The following ATP5F1A variants were observed in gnomAD, a reference collection of about 807,000 sequenced individuals.
ATP5F1A encodes the protein ATP synthase F(1) complex subunit alpha, mitochondrial.
ATP5F1A carries 24 observed loss-of-function variants against 57.4 expected under a neutral mutation model. The observed-to-expected ratio is 0.42, with a 90% CI of 0.30 to 0.59. The LOEUF (loss-of-function observed/expected upper bound fraction) is 0.59, where lower values mean the gene tolerates loss of function less well. Among genes scored for constraint, ATP5F1A ranks in the 20% least tolerant of loss-of-function variants. The pLI, the probability that ATP5F1A is intolerant of heterozygous loss-of-function variation, is 0.19. For missense variants in ATP5F1A, 494 were observed against 707.9 expected, an observed-to-expected ratio of 0.70 and a Z score of 3.43; for synonymous variants, 251 against 255.5, an observed-to-expected ratio of 0.98 and a Z score of 0.17.
At position 46,086,494 on chromosome 18, in the gene ATP5F1A, T is replaced by G. The variant is rs1181393612; in HGVS notation, c.1177A>C (p.Ile393Leu). Reference protein sequence around the residue: ...TNVISITDGQIFLETELFYKG... With the variant: ...TNVISITDGQLFLETELFYKG... ...TAGAACAATTCTGTTTCCAAGAAGA[T>G]CTATAATGTAAGGAAATACGCACGC... Residue 393 changes from isoleucine (I) to leucine (L), a missense_variant and splice_region_variant, in exon 9 of 12, where the codon ATC (isoleucine) becomes CTC (leucine). Ile to Leu is a conservative substitution (Grantham distance 5). This residue lies in a region of ATP5F1A where 4 missense variants were observed against 41.7 expected (regional missense o/e 0.10). Coordinates refer to ENST00000398752, the MANE Select transcript of ATP5F1A (RefSeq NM_004046.6). 6.2e-7 allele frequency: 1 copy of G among 1,613,206 alleles called. No homozygotes were observed. The highest frequency in any genetic ancestry group is 8.5e-7 in the Non-Finnish European group (1 of 1,179,562).
At position 46,089,900 on chromosome 18, in the gene ATP5F1A, C is replaced by T; in HGVS notation, c.406G>A (p.Ala136Thr). ...TCACCAACTGGAACGTCCACAATGG[C>T]TCCTGTCCTCTTCACTATATCTCCT... ...KEGDIVKRTG[A>T]IVDVPVGEEL... The change falls in exon 4 of 12, where the codon GCC becomes ACC. Residue 136 changes from alanine (A) to threonine (T), a missense_variant. This residue lies in a region of ATP5F1A where 191 missense variants were observed against 267.7 expected (regional missense o/e 0.71). Coordinates refer to ENST00000398752, the MANE Select transcript of ATP5F1A (RefSeq NM_004046.6). The T allele has an allele frequency of 6.2e-7, 1 of 1,614,040 alleles. No individual in the cohort carries two copies. The highest frequency in any genetic ancestry group is 1.3e-5 in the African/African-American group (1 of 75,046).
upstream of ATP5F1A, among the ~76,000 whole-genome samples, chr18:46,101,695 G>T (rs891148212): frequency 1.3e-5 from 2 of 151,928 alleles, no homozygotes; most frequent in African/African-American, 4.8e-5. Context: ...AGGAGTTCAA[G>T]ATGAGTCTGG....
Position 46,080,704 on chromosome 18 carries a change from C to T in ATP5F1A, c.*3578G>A. On this transcript the variant is annotated 3_prime_UTR_variant, in exon 12 of 12. Coordinates refer to ENST00000398752, the MANE Select transcript of ATP5F1A (RefSeq NM_004046.6). ...AGCTGACTGCAGCCTGTTTCAAACT[C>T]CTGGGCTCAAGTGATCGTCCCAAAG... 6.6e-6 allele frequency: 1 copy of T among 152,060 alleles called. No individual in the cohort carries two copies. The highest frequency in any genetic ancestry group is 1.5e-5 in the Non-Finnish European group (1 of 68,012). The allele number at this position is 152,060 out of a possible 1,614,324, so 9.4% of individuals were successfully genotyped here. A position where few individuals can be genotyped will look rare whatever the true frequency, so the allele number is the denominator to read the frequency against.
intron 3 of ATP5F1A, among the ~76,000 whole-genome samples, chr18:46,090,923 AG>A (rs1331738840): frequency 6.6e-6 from 1 of 152,184 alleles, no homozygotes; most frequent in Non-Finnish European, 1.5e-5. Context: ...AAAAGCTAAA[AG>A]GGGAACTCAG....
rs983652732 is a variant in ATP5F1A, at chr18:46,082,957, G to A, written c.*1325C>T. ...CCCAGCTAATTGGGAGGCTAAGGCAGGAGAATCGCTTGAACCCAGGAGGTG... is the reference window on the plus strand; with the variant it reads ...CCCAGCTAATTGGGAGGCTAAGGCAAGAGAATCGCTTGAACCCAGGAGGTG... On this transcript the variant is annotated 3_prime_UTR_variant, in exon 12 of 12. Transcript: ENST00000398752. The A allele has an allele frequency of 6.6e-6, 1 of 152,214 alleles. No homozygotes were observed. Among genetic ancestry groups the A allele is most frequent in the South Asian group, 2.1e-4 (1 of 4,832 alleles). 9.4% of individuals were successfully genotyped at this position (152,214 alleles called of 1,614,324 possible).
rs8095031 is a variant in ATP5F1A, at chr18:46,086,895, T to C, written c.1176+113A>G. 0.41 allele frequency: 485,907 copies of C among 1,199,690 alleles called. 101,775 individuals are homozygous for C. The highest frequency in any genetic ancestry group is 0.51 in the Middle Eastern group (2,583 of 5,050). 74.3% of individuals were successfully genotyped at this position (1,199,690 alleles called of 1,614,324 possible). Reference sequence around the variant, plus strand: ...TTTTCTATGTATTTGAAATTTTCCATAATAAAAAGTAAAATGCATTTAGCA... The same window carrying C: ...TTTTCTATGTATTTGAAATTTTCCACAATAAAAAGTAAAATGCATTTAGCA... On this transcript the variant is annotated intron_variant, in intron 8 of 11. Transcript: ENST00000398752.
rs1599794218 is a variant in ATP5F1A, at chr18:46,098,093, C to G, written c.60+79G>C. ...TTCGCCACAGCCCCTCGCCCTCCTG[C>G]AGAGAGCGCCCGAGCCGGCGCACCA... On this transcript the variant is annotated intron_variant, in intron 1 of 11. Transcript: ENST00000398752. The G allele has an allele frequency of 4.6e-6, 7 of 1,513,160 alleles. No homozygotes were observed. In the East Asian group the frequency reaches 1.7e-4, roughly 36 times the overall value. The allele number at this position is 1,513,160 out of a possible 1,614,324, so 93.7% of individuals were successfully genotyped here.
At chr18:46,100,459 A>G (rs1911243927), upstream of ATP5F1A, among the ~76,000 whole-genome samples, 3 of 152,084 alleles carry the variant, frequency 2.0e-5, no homozygotes, top group Admixed American at 1.3e-4. Flanking sequence ...TAAAAGAGAA[A>G]TATAGCCAGG....
intron 1 of ATP5F1A, among the ~76,000 whole-genome samples, chr18:46,096,687 AACG>A (rs1211833143): frequency 3.2e-4 from 49 of 151,780 alleles, no homozygotes; most frequent in African/African-American, 1.1e-3. Flanking sequence ...CAACAACAAC[AACG>A]ACAACAAGCG....
chr18:46,101,767 C>T (rs1911280197), upstream of ATP5F1A, among the ~76,000 whole-genome samples: 2 of 151,814 alleles, frequency 1.3e-5, 1 homozygote, highest in Admixed American at 1.3e-4. Flanking sequence ...TGGCACATGC[C>T]TGTAATCCCA....
chr18:46,090,025 T>C (rs368102139), intron 3 of ATP5F1A, 29 bp from the exon 4 acceptor site: 15 of 1,474,026 alleles, frequency 1.0e-5, no homozygotes, highest in African/African-American at 1.5e-5. Flanking sequence ...TGAACATCAA[T>C]GAAGCTGAAT....
chr18:46,094,786 GTTCT>G (rs1401312652), intron 2 of ATP5F1A: 3 of 319,030 alleles, frequency 9.4e-6, no homozygotes, highest in African/African-American at 4.3e-5. Context: ...CCTAGTGTAT[GTTCT>G]TTCTGTTTCT....
rs575662144 is a variant in ATP5F1A, at chr18:46,089,099, GAGAT to G, written c.650+463_650+466del. Among the ~76,000 whole-genome samples the G allele has an allele frequency of 4.7e-4, 72 of 151,796 alleles. No individual in the cohort carries two copies. In the South Asian group the frequency reaches 0.015, roughly 32 times the overall value. On this transcript the variant is annotated intron_variant, in intron 5 of 11. Coordinates refer to ENST00000398752, the MANE Select transcript of ATP5F1A (RefSeq NM_004046.6). ...ACAGTCCTGCCACATCCCCCACACC[GAGAT>G]AGTAGAGATAGTGATCAATAAATAC...
intron 2 of ATP5F1A, among the ~76,000 whole-genome samples, chr18:46,092,703 A>C (rs1020615803): frequency 1.3e-5 from 2 of 151,980 alleles, no homozygotes; most frequent in African/African-American, 2.4e-5. Flanking sequence ...TTAAGGAAAA[A>C]AAAGTCCACA....
chr18:46,085,834 G>A, intron 10 of ATP5F1A: 1 of 367,310 alleles, frequency 2.7e-6, no homozygotes, highest in South Asian at 3.7e-5. Context: ...TAAGGAGGCT[G>A]AGGCAGGAGA....
upstream of ATP5F1A, among the ~76,000 whole-genome samples, chr18:46,100,251 TAAAAAAAAAA>T (rs34683117): frequency 1.5e-5 from 1 of 68,670 alleles, no homozygotes; most frequent in East Asian, 4.1e-4. Context: ...AAACTCCATC[TAAAAAAAAAA>T]AAAAAAAAAA....
intron 2 of ATP5F1A, 163 bp downstream of exon 2, chr18:46,094,890 C>T (rs762246166): frequency 5.2e-5 from 58 of 1,113,708 alleles, no homozygotes; most frequent in Non-Finnish European, 6.6e-5. Flanking sequence ...ACAAGAGAAC[C>T]ATGACAGGGC....
chr18:46,086,575 A>G (rs971449161), intron 8 of ATP5F1A, 81 bp from the exon 9 acceptor site: 5 of 1,342,324 alleles, frequency 3.7e-6, no homozygotes, highest in Non-Finnish European at 5.2e-6. Context: ...TTATGCCAAA[A>G]AGCTGAAACT....
At chr18:46,094,157 GTACACA>G (rs1368342207) in intron 2 of ATP5F1A, among the ~76,000 whole-genome samples, 1 of 116,636 alleles carries the variant, frequency 8.6e-6, no homozygotes, top group Admixed American at 8.6e-5. Flanking sequence ...GGGGGTGTGT[GTACACA>G]TACACACACA....
Sources: gnomAD v4.1 joint callset for allele counts (sites outside exome capture counted in the v4.1 genomes callset) on GRCh38, gnomAD v4.1.1 for gene constraint, gnomAD v4.1.1 regional missense constraint, MANE v1.5 for transcripts, NCBI Gene and HGNC (gene_info 2026-07-23, HGNC 2026-07-21) for gene names.